The following EOGT variants were observed in gnomAD, a reference collection of about 807,000 sequenced individuals.
EOGT encodes EGF domain specific O-linked N-acetylglucosamine transferase, also known as EGF domain-specific O-linked N-acetylglucosamine transferase.
In EOGT, 55 loss-of-function variants were observed where a neutral mutation model predicts 70.5. The ratio of observed to expected loss-of-function variants is 0.78; its 90% CI spans 0.63 to 0.98. The LOEUF (loss-of-function observed/expected upper bound fraction) is 0.98, where lower values mean the gene tolerates loss of function less well. Ranked by LOEUF, EOGT falls within the 50% of genes least tolerant of loss-of-function variation. EOGT has a pLI of 0.00. For missense variants in EOGT, 703 were observed against 641.9 expected, an observed-to-expected ratio of 1.10 and a Z score of -1.03; for synonymous variants, 246 against 217.1, an observed-to-expected ratio of 1.13 and a Z score of -1.17.
intron 10 of EOGT, among the ~76,000 whole-genome samples, chr3:68,996,595 C>G (rs2091154904): frequency 6.6e-6 from 1 of 152,176 alleles, no homozygotes; most frequent in Admixed American, 6.5e-5. Flanking sequence ...ATGTTGGCCC[C>G]TACAGGATAT....
Position 69,008,514 on chromosome 3 carries a change from C to T in EOGT, c.225G>A (p.Lys75=). The T allele has an allele frequency of 6.2e-7, 1 of 1,613,710 alleles. No homozygotes were observed. Among genetic ancestry groups the T allele is most frequent in the Non-Finnish European group, 8.5e-7 (1 of 1,179,632 alleles). Residue 75 remains lysine (K), a synonymous_variant, in exon 5 of 18, where the codon AAG becomes AAA. Coordinates refer to ENST00000383701, the MANE Select transcript of EOGT (RefSeq NM_001278689.2). ...SLCPYKKHLE[K]LKYCWGYEKS... ...TCTCATAACCCCAGCAGTACTTTAGCTTCTCTAGGTGTTTCTAGAACATAA... is the reference window on the plus strand; with the variant it reads ...TCTCATAACCCCAGCAGTACTTTAGTTTCTCTAGGTGTTTCTAGAACATAA...
At chr3:68,988,622 C>A in intron 11 of EOGT, 45 bp from the exon 12 acceptor site, 1 of 1,216,900 alleles carries the variant, frequency 8.2e-7, no homozygotes, top group South Asian at 1.4e-5. Context: ...TTGCACCCTT[C>A]ACACCAAAAA....
At chr3:69,003,420 C>G (rs1204932643) in intron 8 of EOGT, among the ~76,000 whole-genome samples, 1 of 152,062 alleles carries the variant, frequency 6.6e-6, no homozygotes, top group Non-Finnish European at 1.5e-5. Flanking sequence ...TGGGTTTTTC[C>G]TGCGCTGTTC....
At chr3:68,999,816 G>T (rs183352650) in intron 9 of EOGT, among the ~76,000 whole-genome samples, 1 of 152,148 alleles carries the variant, frequency 6.6e-6, no homozygotes. Context: ...GCTTGGGGTT[G>T]CAAGAATTTA....
In EOGT at chr3:68,994,682, T is replaced by C. The variant is rs540847737; in HGVS notation, c.831+3329A>G. On this transcript the variant is annotated intron_variant, in intron 10 of 17. Transcript: ENST00000383701. Reference sequence around the variant, plus strand: ...TAGCACACACTGTCATCCCAGATACTGGGGAGGCCGAGGCAGGAGAATCGC... The same window carrying C: ...TAGCACACACTGTCATCCCAGATACCGGGGAGGCCGAGGCAGGAGAATCGC... Among the ~76,000 whole-genome samples, 182 of 152,136 alleles carry C rather than the reference T, an allele frequency of 1.2e-3. 1 individual carries two copies. Among genetic ancestry groups the C allele is most frequent in the African/African-American group, 4.2e-3 (173 of 41,516 alleles).
At position 69,005,160 on chromosome 3, in the gene EOGT, G is replaced by A. The variant is rs763682959; in HGVS notation, c.495C>T (p.Asn165=). 29 of 1,585,780 alleles carry A rather than the reference G, an allele frequency of 1.8e-5. 1 individual carries two copies. The highest frequency in any genetic ancestry group is 1.1e-4 in the East Asian group (5 of 44,674). ...AGTACCTGTCATGATTTCTCTTGAT[G>A]TTTCTTAAATCAAGATAGAGATTGG... ...RATNLYLDLR[N]IKRNHDRFKE... The change falls in exon 7 of 18, where the codon AAC becomes AAT. Residue 165 remains asparagine, a synonymous_variant. Transcript: ENST00000383701.
intron 8 of EOGT, among the ~76,000 whole-genome samples, chr3:69,002,055 T>G (rs2091308558): frequency 6.6e-6 from 1 of 152,138 alleles, no homozygotes; most frequent in African/African-American, 2.4e-5. Flanking sequence ...CTGGGCGTAG[T>G]GGCGAGCGCC....
chr3:69,007,615 G>A, intron 6 of EOGT, 98 bp downstream of exon 6: 2 of 663,750 alleles, frequency 3.0e-6, no homozygotes, highest in East Asian at 3.6e-5. Flanking sequence ...TCGCGCCACT[G>A]CACTCCAGCC....
chr3:69,001,731 G>C lies in EOGT; in HGVS notation c.621-17C>G. On this transcript the variant is annotated splice_polypyrimidine_tract_variant and intron_variant, in intron 8 of 17. Transcript: ENST00000383701. ...TCAGCAAACCTGAAATTATGAATTG[G>C]GACATGACTTCAAACTGATTCTCCC... 1 of 1,531,780 alleles carries C rather than the reference G, an allele frequency of 6.5e-7. No homozygotes were observed. Among genetic ancestry groups the C allele is most frequent in the East Asian group, 2.3e-5 (1 of 44,270 alleles). The allele number at this position is 1,531,780 out of a possible 1,614,324, so 94.9% of individuals were successfully genotyped here.
intron 10 of EOGT, among the ~76,000 whole-genome samples, chr3:68,996,979 G>A (rs574196050): frequency 7.9e-5 from 12 of 152,228 alleles, no homozygotes; most frequent in African/African-American, 9.6e-5. Context: ...CACACTACAC[G>A]GTTCATTCTC....
chr3:68,986,598 C>G (rs2090814855), intron 14 of EOGT, among the ~76,000 whole-genome samples: 1 of 152,186 alleles, frequency 6.6e-6, no homozygotes, highest in Non-Finnish European at 1.5e-5. Context: ...GAGGCTCTCT[C>G]CCTTGCTAGA....
At position 68,983,730 on chromosome 3, in the gene EOGT, G is replaced by A. The variant is rs576082286; in HGVS notation, c.1153-858C>T. Among the ~76,000 whole-genome samples the A allele has an allele frequency of 2.6e-5, 4 of 152,302 alleles. No individual in the cohort carries two copies. In the East Asian group the frequency reaches 5.8e-4, roughly 22 times the overall value. The stretch of plus-strand genomic sequence containing the variant: ...TGCAATCCCAGCACTTTGGGAGGCC[G>A]AGGCGGGCAGATCACCTGAGGTCAG... On this transcript the variant is annotated intron_variant, in intron 14 of 17. Transcript: ENST00000383701.
chr3:68,991,083 T>C (rs1362721012), intron 10 of EOGT, among the ~76,000 whole-genome samples: 3 of 152,194 alleles, frequency 2.0e-5, no homozygotes, highest in East Asian at 3.9e-4. Context: ...TAAAATATGT[T>C]TGAAAGGAAA....
chr3:69,002,903 A>G (rs1014195600), intron 8 of EOGT, among the ~76,000 whole-genome samples: 2 of 152,156 alleles, frequency 1.3e-5, no homozygotes, highest in African/African-American at 4.8e-5. Flanking sequence ...CCTGGCTTCA[A>G]GTAATACTTC....
intron 8 of EOGT, among the ~76,000 whole-genome samples, chr3:69,003,865 TTAATA>T (rs2107354730): frequency 6.6e-6 from 1 of 152,330 alleles, no homozygotes; most frequent in South Asian, 2.1e-4. Flanking sequence ...TTTACATACT[TTAATA>T]TATGTGTATT....
rs1206738282 is a variant in EOGT, at chr3:68,988,499, T to C, written c.996+7A>G. 1 of 1,528,540 alleles carries C rather than the reference T, an allele frequency of 6.5e-7. No homozygotes were observed. The highest frequency in any genetic ancestry group is 1.4e-5 in the African/African-American group (1 of 72,824). 94.7% of individuals were successfully genotyped at this position (1,528,540 alleles called of 1,614,324 possible). On this transcript the variant is annotated splice_region_variant and intron_variant, in intron 12 of 17. Transcript: ENST00000383701. The stretch of plus-strand genomic sequence containing the variant: ...ATATGAATGCTAATGGTAGACAATG[T>C]GCTTACCAGAGGAGTATTATAGAAC...
chr3:69,001,355 C>G (rs1457555733), intron 9 of EOGT, among the ~76,000 whole-genome samples: 3 of 152,080 alleles, frequency 2.0e-5, no homozygotes, highest in Admixed American at 2.0e-4. Flanking sequence ...CATAAATATG[C>G]CTTCACCTCT....
At position 69,007,813 on chromosome 3, in the gene EOGT, G is replaced by C; in HGVS notation, c.320C>G (p.Thr107Ser). Residue 107 changes from threonine (T) to serine (S), a missense_variant, in exon 6 of 18, where the codon ACT (threonine) becomes AGT (serine). Transcript: ENST00000383701. ...CSYVDMGWTD[T>S]LESAEDIFWK... ...AAATATGTCCTCAGCTGACTCAAGA[G>C]TGTCCGTCCTATTTGCAAATAAAAA... 6.3e-7 allele frequency: 1 copy of C among 1,596,660 alleles called. No individual in the cohort carries two copies.
intron 17 of EOGT, among the ~76,000 whole-genome samples, chr3:68,977,986 T>C (rs2090520239): frequency 6.6e-6 from 1 of 152,218 alleles, no homozygotes; most frequent in South Asian, 2.1e-4. Flanking sequence ...CACAAACAAC[T>C]AGAGACAGTG....
Sources: allele counts gnomAD v4.1 joint callset (sites outside exome capture counted in the v4.1 genomes callset), GRCh38; gene constraint gnomAD v4.1.1; transcripts MANE v1.5; gene names NCBI Gene and HGNC (gene_info 2026-07-23, HGNC 2026-07-21).